Variants in NPAS3 observed in about 807,000 individuals in gnomAD.
The protein encoded by NPAS3 is neuronal PAS domain-containing protein 3.
NPAS3 carries 14 observed loss-of-function variants against 73.1 expected under a neutral mutation model. That is an observed-to-expected ratio of 0.19 (90% CI 0.13 to 0.30). NPAS3 has a LOEUF of 0.30. Ranked by LOEUF, NPAS3 falls within the 10% of genes least tolerant of loss-of-function variation. The pLI, the probability that NPAS3 is intolerant of heterozygous loss-of-function variation, is 1.00. For synonymous variants in NPAS3, 620 were observed against 541.5 expected (o/e 1.14, Z -2.01); for missense variants, 1,096 against 1,250.0 (o/e 0.88, Z 1.86).
At chr14:33,051,450 A>G in intron 1 of NPAS3, among the ~76,000 whole-genome samples, 1 of 152,246 alleles carries the variant, frequency 6.6e-6, no homozygotes, top group African/African-American at 2.4e-5. Context: ...CTGAAAAACT[A>G]CCTTTCTATT....
intron 3 of NPAS3, among the ~76,000 whole-genome samples, chr14:33,217,114 G>A (rs957957815): frequency 1.3e-5 from 2 of 152,096 alleles, no homozygotes; most frequent in Admixed American, 6.6e-5. Context: ...ATGGCAGCAG[G>A]AGAGAGAAAG....
chr14:33,614,518 G>A (rs1356593116), intron 5 of NPAS3, among the ~76,000 whole-genome samples: 5 of 152,184 alleles, frequency 3.3e-5, no homozygotes, highest in Non-Finnish European at 7.3e-5. Flanking sequence ...GAGGGGTCCA[G>A]TCCCTGTGGG....
intron 4 of NPAS3, among the ~76,000 whole-genome samples, chr14:33,557,829 C>T (rs929090231): frequency 2.6e-5 from 4 of 152,220 alleles, no homozygotes; most frequent in East Asian, 3.9e-4. Context: ...ATTAGCCAGG[C>T]GTGGTGGCGG....
rs916953785 is a variant in NPAS3 at position 33,769,756 on chromosome 14, C to CTTTTTTTTTTTTTTTTTTTTTT, written c.853-4576_853-4555dup. ...CCTGAAAGACTTGGATTTTTTTTTT[C>CTTTTTTTTTTTTTTTTTTTTTT]TTTTTTTTTTTTTTTTTTTTTTTTT... On this transcript the variant is annotated intron_variant, in intron 7 of 11. Coordinates refer to ENST00000356141, the Ensembl canonical transcript of NPAS3. 4.9e-5 allele frequency among the ~76,000 whole-genome samples: 4 copies of CTTTTTTTTTTTTTTTTTTTTTT among 81,882 alleles called. 1 individual carries two copies. The highest frequency in any genetic ancestry group is 8.9e-5 in the Non-Finnish European group (4 of 44,984). 53.7% of individuals were successfully genotyped at this position (81,882 alleles called of 152,430 possible). A position where few individuals can be genotyped will look rare whatever the true frequency, so the allele number is the denominator to read the frequency against.
chr14:33,572,356 C>A lies in NPAS3; in HGVS notation c.558+12146C>A, dbSNP rs139274318. ...AAGGAAAGGACGCTTGGAAGAAGCCCAAGCAGGTGACTTGAAGAACAAGTG... is the reference window on the plus strand; with the variant it reads ...AAGGAAAGGACGCTTGGAAGAAGCCAAAGCAGGTGACTTGAAGAACAAGTG... On this transcript the variant is annotated intron_variant, in intron 5 of 11. Coordinates refer to ENST00000356141, the Ensembl canonical transcript of NPAS3. 9.2e-3 allele frequency among the ~76,000 whole-genome samples: 1,403 copies of A among 152,206 alleles called. 10 individuals carry two copies. The highest frequency in any genetic ancestry group is 0.024 in the Middle Eastern group (7 of 294).
At chr14:33,080,528 A>G (rs1272008319) in intron 2 of NPAS3, among the ~76,000 whole-genome samples, 1 of 152,238 alleles carries the variant, frequency 6.6e-6, no homozygotes, top group Admixed American at 6.5e-5. Flanking sequence ...TACCACTAAT[A>G]AGAATAGCCA....
At chr14:33,317,827 C>A (rs910819449) in intron 3 of NPAS3, among the ~76,000 whole-genome samples, 2 of 151,974 alleles carry the variant, frequency 1.3e-5, no homozygotes, top group African/African-American at 4.8e-5. Flanking sequence ...GACTAATACA[C>A]CAAGGCATCA....
chr14:33,360,668 C>T (rs1334949695), intron 3 of NPAS3, among the ~76,000 whole-genome samples: 1 of 152,160 alleles, frequency 6.6e-6, no homozygotes, highest in African/African-American at 2.4e-5. Flanking sequence ...CATTGTTCTT[C>T]TGGAATAATT....
At chr14:33,585,418 A>G (rs1226809994) in intron 5 of NPAS3, among the ~76,000 whole-genome samples, 2 of 152,188 alleles carry the variant, frequency 1.3e-5, no homozygotes, top group Non-Finnish European at 2.9e-5. Context: ...TGCCTTGACC[A>G]TGGACTTCTC....
chr14:33,212,489 T>A (rs1304756975), intron 2 of NPAS3, among the ~76,000 whole-genome samples: 1 of 152,128 alleles, frequency 6.6e-6, no homozygotes, highest in Admixed American at 6.5e-5. Context: ...AAGTAAATTC[T>A]GACCAGTGCT....
At chr14:33,217,590 T>G (rs1211979092) in intron 3 of NPAS3, among the ~76,000 whole-genome samples, 1 of 152,150 alleles carries the variant, frequency 6.6e-6, no homozygotes, top group Admixed American at 6.5e-5. Flanking sequence ...CAGAAAATTT[T>G]TATTTGTTTA....
At chr14:33,382,144 C>CA (rs1333218495) in intron 4 of NPAS3, among the ~76,000 whole-genome samples, 11 of 152,174 alleles carry the variant, frequency 7.2e-5, no homozygotes, top group African/African-American at 2.6e-4. Flanking sequence ...CAAAGAATGT[C>CA]ATGCCTAACA....
intron 3 of NPAS3, among the ~76,000 whole-genome samples, chr14:33,365,366 G>T (rs2045795445): frequency 6.6e-6 from 1 of 152,116 alleles, no homozygotes; most frequent in South Asian, 2.1e-4. Flanking sequence ...TAATGTGCAT[G>T]TTAGAATAGG....
intron 3 of NPAS3, among the ~76,000 whole-genome samples, chr14:33,302,527 A>T (rs1028161513): frequency 1.3e-5 from 2 of 152,226 alleles, no homozygotes; most frequent in Non-Finnish European, 2.9e-5. Flanking sequence ...GTCGTTGATG[A>T]AAGAAACTGA....
intron 3 of NPAS3, among the ~76,000 whole-genome samples, chr14:33,264,522 A>T (rs1330865085): frequency 6.6e-6 from 1 of 152,140 alleles, no homozygotes; most frequent in Non-Finnish European, 1.5e-5. Context: ...ATGTACTGTG[A>T]TGTTATTTAG....
chr14:33,541,903 CT>C, intron 4 of NPAS3, among the ~76,000 whole-genome samples: 1 of 152,252 alleles, frequency 6.6e-6, no homozygotes, highest in South Asian at 2.1e-4. Context: ...ATTGGTTTAG[CT>C]TTTTCCCTCT....
At chr14:33,266,819 G>T (rs928165777) in intron 3 of NPAS3, among the ~76,000 whole-genome samples, 1 of 152,172 alleles carries the variant, frequency 6.6e-6, no homozygotes, top group Non-Finnish European at 1.5e-5. Context: ...AGCCACTACA[G>T]ATATTTGTAT....
intron 2 of NPAS3, among the ~76,000 whole-genome samples, chr14:33,190,855 G>A (rs1566657503): frequency 6.6e-6 from 1 of 152,162 alleles, no homozygotes; most frequent in Non-Finnish European, 1.5e-5. Context: ...CGACTCTGTT[G>A]TCAAGGCCAA....
intron 5 of NPAS3, among the ~76,000 whole-genome samples, chr14:33,613,911 G>A (rs189479013): frequency 6.6e-6 from 1 of 152,090 alleles, no homozygotes; most frequent in African/African-American, 2.4e-5. Context: ...GTAATTACCT[G>A]TGTGCTTCTC....
Sources: allele counts gnomAD v4.1 joint callset (sites outside exome capture counted in the v4.1 genomes callset), GRCh38; gene constraint gnomAD v4.1.1; transcripts MANE v1.5; gene names NCBI Gene and HGNC (gene_info 2026-07-23, HGNC 2026-07-21).